ZNF100: variants seen among roughly 807,000 people sequenced by gnomAD.
ZNF100 encodes zinc finger protein 100 (Y1).
In ZNF100, 12 loss-of-function variants were observed where a neutral mutation model predicts 15.8. The observed-to-expected ratio is 0.76, with a 90% CI of 0.49 to 1.23. The LOEUF (loss-of-function observed/expected upper bound fraction) is 1.23, where lower values mean the gene tolerates loss of function less well. ZNF100 is among the 50% of genes most tolerant of loss of function. The pLI is 0.00. For synonymous variants in ZNF100, 226 were observed against 214.8 expected (o/e 1.05, Z -0.45); for missense variants, 670 against 635.6 (o/e 1.05, Z -0.58).
intron 2 of ZNF100, chr19:21,753,152 G>A (rs540490946): frequency 1.6e-4 from 25 of 152,334 alleles, no homozygotes; most frequent in African/African-American, 5.8e-4. Flanking sequence ...TTGGGTGGCT[G>A]GAGGATTGCT....
At chr19:21,728,072 T>TA in intron 4 of ZNF100, 83 bp from the exon 5 acceptor site, 2 of 1,240,844 alleles carry the variant, frequency 1.6e-6, no homozygotes, top group Non-Finnish European at 2.1e-6. Flanking sequence ...ACAAACTACA[T>TA]AAATAAGATG....
At chr19:21,748,763 G>A (rs1008227495) in intron 2 of ZNF100, among the ~76,000 whole-genome samples, 1 of 152,150 alleles carries the variant, frequency 6.6e-6, no homozygotes, top group African/African-American at 2.4e-5. Context: ...GGAGTGCAAT[G>A]GCACAATCTT....
chr19:21,738,540 C>T (rs1217521932), intron 4 of ZNF100, among the ~76,000 whole-genome samples: 1 of 151,924 alleles, frequency 6.6e-6, no homozygotes, highest in Admixed American at 6.6e-5. Flanking sequence ...CTTTGAAAAA[C>T]CTGACAAAAA....
chr19:21,742,493 TCAAAAAA>T (rs61060508), intron 4 of ZNF100, among the ~76,000 whole-genome samples: 14,320 of 149,052 alleles, frequency 0.096, 887 homozygotes, highest in South Asian at 0.18. Context: ...AAACGCCGTC[TCAAAAAA>T]CAAAAAACAA....
At chr19:21,732,360 T>C (rs984160083) in intron 4 of ZNF100, among the ~76,000 whole-genome samples, 2 of 152,128 alleles carry the variant, frequency 1.3e-5, no homozygotes, top group Non-Finnish European at 2.9e-5. Flanking sequence ...CTAGCCAAGA[T>C]TGAACGACCA....
intron 4 of ZNF100, among the ~76,000 whole-genome samples, chr19:21,742,765 C>A (rs1017759359): frequency 6.6e-6 from 1 of 152,016 alleles, no homozygotes; most frequent in African/African-American, 2.4e-5. Context: ...GTAATAAATA[C>A]ACTCAGTAAA....
chr19:21,742,376 CTTTTT>C (rs59997375), intron 4 of ZNF100, among the ~76,000 whole-genome samples: 1 of 86,134 alleles, frequency 1.2e-5, no homozygotes, highest in Non-Finnish European at 2.4e-5. Flanking sequence ...TTTTCTTTTT[CTTTTT>C]TTTTTTTTTT....
rs1311610664 is a variant in ZNF100 at position 21,726,771 on chromosome 19, T to G, written c.1541A>C (p.Lys514Thr). Reference protein sequence around the residue: ...KITHTGEKSYKWEECGKDFNQ... With the variant: ...KITHTGEKSYTWEECGKDFNQ... ...AAAGTCTTTACCACATTCTTCCCAT[T>G]TGTAAGATTTCTCTCCAGTATGAGT... is the stretch of plus-strand genomic sequence containing the variant. Residue 514 changes from lysine to threonine, a missense_variant, in exon 5 of 5, where the codon AAA becomes ACA. By Grantham distance (78) the Lys-to-Thr change is moderately conservative (BLOSUM62 -1). Coordinates refer to ENST00000358296, the MANE Select transcript of ZNF100 (RefSeq NM_173531.4). 6.2e-7 allele frequency: 1 copy of G among 1,613,610 alleles called. No individual in the cohort carries two copies.
In ZNF100 at chr19:21,727,821, T is replaced by C. The variant is rs370307902; in HGVS notation, c.491A>G (p.Lys164Arg). 86 of 1,613,238 alleles carry C rather than the reference T, an allele frequency of 5.3e-5. No homozygotes were observed. The highest frequency in any genetic ancestry group is 7.0e-5 in the Non-Finnish European group (82 of 1,179,760). ...ECKVHKEHDN[K>R]LNQCLITTQS... ...GGTAGTTATCAAACACTGGTTTAAT[T>C]TGTTATCATGTTCTTTGTGCACTTT... is the stretch of plus-strand genomic sequence containing the variant. Residue 164 changes from lysine (K) to arginine (R), a missense_variant, in exon 5 of 5, where the codon AAA becomes AGA. By Grantham distance (26) the Lys-to-Arg change is conservative. Transcript: ENST00000358296.
rs1424629586 is a variant in ZNF100 at position 21,723,154 on chromosome 19, C to T, written c.*3529G>A. On this transcript the variant is annotated 3_prime_UTR_variant, in exon 5 of 5. Transcript: ENST00000358296. ...ATCATATGAGGTCAGGAGTTTGAAA[C>T]CAGCCTGGCCAACATGGTGAAACTT... 1 of 151,264 alleles carries T rather than the reference C, an allele frequency of 6.6e-6. No homozygotes were observed. The highest frequency in any genetic ancestry group is 1.5e-5 in the Non-Finnish European group (1 of 67,896). 9.4% of individuals were successfully genotyped at this position (151,264 alleles called of 1,614,324 possible). A position where few individuals can be genotyped will look rare whatever the true frequency, so the allele number is the denominator to read the frequency against.
chr19:21,734,487 A>G (rs990311270), intron 4 of ZNF100, among the ~76,000 whole-genome samples: 2 of 152,306 alleles, frequency 1.3e-5, no homozygotes, highest in Non-Finnish European at 2.9e-5. Context: ...TCTTGCTAAA[A>G]TAAGGCAGAT....
chr19:21,732,149 C>T (rs918069498), intron 4 of ZNF100, among the ~76,000 whole-genome samples: 17 of 151,494 alleles, frequency 1.1e-4, no homozygotes, highest in African/African-American at 2.9e-4. Flanking sequence ...CCAGTCTTGG[C>T]GACAGAGCGA....
chr19:21,765,663 T>C (rs1475959888), intron 2 of ZNF100, 31 bp downstream of exon 2: 1 of 1,595,994 alleles, frequency 6.3e-7, no homozygotes, highest in East Asian at 2.2e-5. Flanking sequence ...CTGGGTTGGG[T>C]GAAGACAATT....
chr19:21,726,653 G>A lies in ZNF100; in HGVS notation c.*30C>T, dbSNP rs769419741. ...AATTTTTTTATGTTTAGTAAGAGTT[G>A]AGGACTGGTAAAAGGCTTTGCCACA... On this transcript the variant is annotated 3_prime_UTR_variant, in exon 5 of 5. Coordinates refer to ENST00000358296, the MANE Select transcript of ZNF100 (RefSeq NM_173531.4). 1.9e-6 allele frequency: 3 copies of A among 1,578,162 alleles called. No homozygotes were observed. Among genetic ancestry groups the A allele is most frequent in the Non-Finnish European group, 2.6e-6 (3 of 1,162,248 alleles).
In ZNF100 at chr19:21,729,579, A is replaced by C. The variant is rs145679599; in HGVS notation, c.323-1590T>G. 5.7e-3 allele frequency among the ~76,000 whole-genome samples: 871 copies of C among 152,184 alleles called. 11 individuals are homozygous for C. The highest frequency in any genetic ancestry group is 0.02 in the African/African-American group (840 of 41,542). On this transcript the variant is annotated intron_variant, in intron 4 of 4. Coordinates refer to ENST00000358296, the MANE Select transcript of ZNF100 (RefSeq NM_173531.4). Reference sequence around the variant, plus strand: ...AACTTAAAGTATAATAATGAAAGAAAAAATAAAAACAAAACAAAACAAAAA... The same window carrying C: ...AACTTAAAGTATAATAATGAAAGAACAAATAAAAACAAAACAAAACAAAAA...
At chr19:21,735,771 G>C (rs2035998361) in intron 4 of ZNF100, among the ~76,000 whole-genome samples, 1 of 152,174 alleles carries the variant, frequency 6.6e-6, no homozygotes, top group Non-Finnish European at 1.5e-5. Flanking sequence ...GGAACACCCA[G>C]ATTTGTTTTT....
intron 2 of ZNF100, among the ~76,000 whole-genome samples, chr19:21,763,173 T>C (rs1203304889): frequency 6.6e-6 from 1 of 152,188 alleles, no homozygotes; most frequent in Non-Finnish European, 1.5e-5. Context: ...TATTTCTTAT[T>C]AATAAACTTA....
At chr19:21,762,009 G>C (rs2036491513) in intron 2 of ZNF100, among the ~76,000 whole-genome samples, 1 of 152,100 alleles carries the variant, frequency 6.6e-6, no homozygotes, top group Admixed American at 6.5e-5. Context: ...TTGAGGTTAA[G>C]AGTTAGTGAA....
At chr19:21,746,872 C>A (rs183473018) in intron 2 of ZNF100, 5 of 152,166 alleles carry the variant, frequency 3.3e-5, no homozygotes, top group African/African-American at 9.6e-5. Flanking sequence ...TCTTGGAATC[C>A]TTTTCAGATG....
Sources: gnomAD v4.1 joint callset for allele counts (sites outside exome capture counted in the v4.1 genomes callset) on GRCh38, gnomAD v4.1.1 for gene constraint, MANE v1.5 for transcripts, NCBI Gene and HGNC (gene_info 2026-07-23, HGNC 2026-07-21) for gene names.